PRKAA2: variants seen among roughly 807,000 people sequenced by gnomAD.
PRKAA2 encodes the protein protein kinase AMP-activated catalytic subunit alpha 2.
Under a neutral mutation model 56.3 loss-of-function variants are expected in PRKAA2, and 40 were observed. The ratio of observed to expected loss-of-function variants is 0.71; its 90% confidence interval spans 0.55 to 0.92. The LOEUF (loss-of-function observed/expected upper bound fraction) is 0.92, where lower values mean the gene tolerates loss of function less well. Among genes scored for constraint, PRKAA2 ranks in the 40% least tolerant of loss-of-function variants. The pLI is 0.00. For synonymous variants in PRKAA2, 214 were observed against 234.2 expected (o/e 0.91, Z 0.79); for missense variants, 542 against 686.9 (o/e 0.79, Z 2.36).
At chr1:56,667,242 C>T (rs1223822515) in intron 1 of PRKAA2, among the ~76,000 whole-genome samples, 1 of 152,098 alleles carries the variant, frequency 6.6e-6, no homozygotes, top group East Asian at 1.9e-4. Context: ...TTCATTCATT[C>T]TTGCCCCCAG....
At chr1:56,696,986 C>T (rs1644262605) in intron 6 of PRKAA2, among the ~76,000 whole-genome samples, 2 of 147,502 alleles carry the variant, frequency 1.4e-5, no homozygotes, top group Admixed American at 6.8e-5. Context: ...GAACTCTTTC[C>T]CCTTTTCATC....
chr1:56,666,543 A>G (rs1644037321), intron 1 of PRKAA2, among the ~76,000 whole-genome samples: 2 of 152,230 alleles, frequency 1.3e-5, no homozygotes, highest in South Asian at 4.1e-4. Flanking sequence ...GAATTTAAAT[A>G]GTTCACATAT....
rs1432779138 is a variant in PRKAA2 at position 56,712,013 on chromosome 1, A to G, written c.*4300A>G. On this transcript the variant is annotated 3_prime_UTR_variant, in exon 9 of 9. Coordinates refer to ENST00000371244, the MANE Select transcript of PRKAA2 (RefSeq NM_006252.4). The stretch of plus-strand genomic sequence containing the variant: ...CGGTGAAACATCACATCCATTTGGC[A>G]TGAAGCAAAGCATTACAAATTTGGA... 6.6e-6 allele frequency: 1 copy of G among 152,214 alleles called. No homozygotes were observed. Among genetic ancestry groups the G allele is most frequent in the African/African-American group, 2.4e-5 (1 of 41,470 alleles). 9.4% of individuals were successfully genotyped at this position (152,214 alleles called of 1,614,324 possible).
intron 6 of PRKAA2, 87 bp downstream of exon 6, chr1:56,696,246 TG>T: frequency 7.9e-7 from 1 of 1,259,272 alleles, no homozygotes. Context: ...TCTCATTTCC[TG>T]CCCTCACCAC....
intron 1 of PRKAA2, among the ~76,000 whole-genome samples, chr1:56,657,407 G>T (rs374239333): frequency 7.2e-5 from 11 of 152,226 alleles, no homozygotes; most frequent in African/African-American, 2.7e-4. Context: ...GCTGGGCGTG[G>T]TGGCTCATGC....
intron 6 of PRKAA2, among the ~76,000 whole-genome samples, chr1:56,696,776 A>G (rs939469851): frequency 2.0e-5 from 3 of 152,148 alleles, no homozygotes; most frequent in African/African-American, 7.2e-5. Flanking sequence ...CTTTTTTGTC[A>G]CTTGAGAAAG....
At chr1:56,702,161 G>A (rs1236933890) in intron 6 of PRKAA2, among the ~76,000 whole-genome samples, 4 of 150,522 alleles carry the variant, frequency 2.7e-5, no homozygotes, top group Admixed American at 2.0e-4. Flanking sequence ...TCGGCTCACC[G>A]CAACCTCCGC....
intron 2 of PRKAA2, among the ~76,000 whole-genome samples, chr1:56,691,160 T>A (rs1379698922): frequency 6.6e-6 from 1 of 152,212 alleles, no homozygotes; most frequent in Non-Finnish European, 1.5e-5. Flanking sequence ...ATTTCAAAAA[T>A]TATGTAAACT....
chr1:56,669,611 T>C (rs1425753766), intron 1 of PRKAA2, among the ~76,000 whole-genome samples: 1 of 152,134 alleles, frequency 6.6e-6, no homozygotes, highest in African/African-American at 2.4e-5. Context: ...TCCTGGCTTA[T>C]TATTGCCAGC....
intron 1 of PRKAA2, among the ~76,000 whole-genome samples, chr1:56,647,801 G>A (rs958610400): frequency 1.3e-5 from 2 of 151,590 alleles, no homozygotes; most frequent in Admixed American, 6.6e-5. Flanking sequence ...AGGCTGAGGC[G>A]GGCGGTTCAA....
chr1:56,646,703 G>A (rs1049117345), intron 1 of PRKAA2, among the ~76,000 whole-genome samples: 1 of 152,102 alleles, frequency 6.6e-6, no homozygotes, highest in African/African-American at 2.4e-5. Context: ...TTATTCTGAG[G>A]TCTCTATTTC....
Position 56,704,307 on chromosome 1 carries a change from A to T in PRKAA2, c.1125A>T (p.Ala375=). The T allele has an allele frequency of 1.9e-6, 3 of 1,614,144 alleles. No individual in the cohort carries two copies. The highest frequency in any genetic ancestry group is 2.5e-6 in the Non-Finnish European group (3 of 1,180,018). ...PHPERMPPLI[A]DSPKARCPLD... ...CAGAAAGGATGCCACCTCTTATAGC[A>T]GACAGCCCCAAAGCAAGATGTCCAT... The change falls in exon 7 of 9, where the codon GCA becomes GCT. Residue 375 remains alanine, a synonymous_variant. Transcript: ENST00000371244.
intron 1 of PRKAA2, among the ~76,000 whole-genome samples, chr1:56,664,987 A>G (rs904474935): frequency 2.6e-5 from 4 of 151,826 alleles, no homozygotes; most frequent in African/African-American, 7.3e-5. Context: ...TATTGATATC[A>G]TAACTACCTT....
intron 1 of PRKAA2, among the ~76,000 whole-genome samples, chr1:56,661,247 G>A (rs1643992274): frequency 6.6e-6 from 1 of 152,000 alleles, no homozygotes; most frequent in Non-Finnish European, 1.5e-5. Flanking sequence ...CATCTTTTAC[G>A]TAAATTCTCA....
chr1:56,701,908 G>T lies in PRKAA2; in HGVS notation c.789-2063G>T, dbSNP rs563043841. Reference sequence around the variant, plus strand: ...GACTCTGTCTCAAAAAAAAAAAGAAGTTGTCAGTTTACTGGGCAAGATTAA... The same window carrying T: ...GACTCTGTCTCAAAAAAAAAAAGAATTTGTCAGTTTACTGGGCAAGATTAA... On this transcript the variant is annotated intron_variant, in intron 6 of 8. Transcript: ENST00000371244. Among the ~76,000 whole-genome samples, 3 of 151,766 alleles carry T rather than the reference G, an allele frequency of 2.0e-5. No individual in the cohort carries two copies. In the East Asian group the frequency reaches 5.8e-4, roughly 29 times the overall value.
chr1:56,704,307 A>G lies in PRKAA2; in HGVS notation c.1125A>G (p.Ala375=). 1.2e-6 allele frequency: 2 copies of G among 1,614,144 alleles called. No individual in the cohort carries two copies. Among genetic ancestry groups the G allele is most frequent in the Non-Finnish European group, 1.7e-6 (2 of 1,180,018 alleles). Residue 375 remains alanine, a synonymous_variant, in exon 7 of 9, where the codon GCA becomes GCG. Transcript: ENST00000371244. ...PHPERMPPLI[A]DSPKARCPLD... is the part of the protein sequence containing the mutation. ...CAGAAAGGATGCCACCTCTTATAGC[A>G]GACAGCCCCAAAGCAAGATGTCCAT...
At position 56,704,465 on chromosome 1, in the gene PRKAA2, T is replaced by G; in HGVS notation, c.1283T>G (p.Phe428Cys). The part of the protein sequence containing the change: ...EVYRAMKQLD[F>C]EWKVVNAYHL... Reference sequence around the variant, plus strand: ...TACCGAGCTATGAAGCAGCTGGATTTTGAATGGAAGGTAGGAAATTATAAT... The same window carrying G: ...TACCGAGCTATGAAGCAGCTGGATTGTGAATGGAAGGTAGGAAATTATAAT... Residue 428 changes from phenylalanine to cysteine, a missense_variant, in exon 7 of 9, where the codon TTT becomes TGT. Physicochemically the swap from Phe to Cys is radical, Grantham distance 205 (BLOSUM62 -2). This residue lies in a region of PRKAA2 where 158 missense variants were observed against 166.1 expected (regional missense o/e 0.95). Transcript: ENST00000371244. The G allele has an allele frequency of 6.3e-7, 1 of 1,594,888 alleles. No homozygotes were observed. Among genetic ancestry groups the G allele is most frequent in the Non-Finnish European group, 8.5e-7 (1 of 1,174,176 alleles).
intron 1 of PRKAA2, among the ~76,000 whole-genome samples, chr1:56,647,480 G>A (rs900829147): frequency 2.0e-5 from 3 of 152,148 alleles, no homozygotes; most frequent in Non-Finnish European, 4.4e-5. Flanking sequence ...TCTCTTGTAT[G>A]TACTTTTGAA....
intron 2 of PRKAA2, among the ~76,000 whole-genome samples, chr1:56,689,186 A>G (rs1644211308): frequency 1.3e-5 from 2 of 152,126 alleles, no homozygotes; most frequent in Admixed American, 6.5e-5. Context: ...AATCAGACCA[A>G]CCTACAGTGA....
Sources: gnomAD v4.1 joint callset for allele counts (sites outside exome capture counted in the v4.1 genomes callset) on GRCh38, gnomAD v4.1.1 for gene constraint, gnomAD v4.1.1 regional missense constraint, MANE v1.5 for transcripts, NCBI Gene and HGNC (gene_info 2026-07-23, HGNC 2026-07-21) for gene names.